The following IL1B variants were observed in gnomAD, a reference collection of about 807,000 sequenced individuals.
The protein encoded by IL1B is interleukin-1 beta.
A neutral mutation model predicts 26.2 loss-of-function variants in IL1B; 11 were observed. The ratio of observed to expected loss-of-function variants is 0.42; its 90% CI spans 0.26 to 0.70. The LOEUF is 0.70. Among genes scored for constraint, IL1B ranks in the 30% least tolerant of loss-of-function variants. The pLI is 0.25. For missense variants in IL1B, 255 were observed against 327.5 expected (o/e 0.78, Z 1.71); for synonymous variants, 118 against 120.8 (o/e 0.98, Z 0.15).
rs928350779 is a variant in IL1B at position 112,830,293 on chromosome 2, G to C, written c.*68C>G. On this transcript the variant is annotated 3_prime_UTR_variant, in exon 7 of 7. Transcript: ENST00000263341. ...TATAGCCGTACTCAAAAACCTTTCT[G>C]TTCCCTTTCTGCCAGCCCTAGGGAT... 5.1e-6 allele frequency: 7 copies of C among 1,366,494 alleles called. No homozygotes were observed. In the African/African-American group the frequency reaches 1.0e-4, roughly 20 times the overall value. 84.6% of individuals were successfully genotyped at this position (1,366,494 alleles called of 1,614,324 possible). A position where few individuals can be genotyped will look rare whatever the true frequency, so the allele number is the denominator to read the frequency against.
Position 112,830,348 on chromosome 2 carries a change from G to T in IL1B, c.*13C>A. On this transcript the variant is annotated 3_prime_UTR_variant, in exon 7 of 7. Coordinates refer to ENST00000263341, the MANE Select transcript of IL1B (RefSeq NM_000576.3). ...TCCACATTCAGCACAGGACTCTCTG[G>T]GTACAGCTCTCTTTAGGAAGACACA... The T allele has an allele frequency of 1.2e-6, 2 of 1,608,294 alleles. No individual in the cohort carries two copies. The highest frequency in any genetic ancestry group is 1.7e-6 in the Non-Finnish European group (2 of 1,174,816).
At chr2:112,832,924 A>C in intron 4 of IL1B, 98 bp from the exon 5 acceptor site, 1 of 1,162,280 alleles carries the variant, frequency 8.6e-7, no homozygotes, top group Non-Finnish European at 1.3e-6. Context: ...ACACCTGAGC[A>C]TATACGGTCA....
At chr2:112,835,453 A>C in intron 3 of IL1B, 113 bp downstream of exon 3, 1 of 852,702 alleles carries the variant, frequency 1.2e-6, no homozygotes, top group South Asian at 1.4e-5. Flanking sequence ...GAAGAGGTTA[A>C]AGTCTTTCTA....
rs141915771 is a variant in IL1B, at chr2:112,834,884, T to C, written c.99+682A>G. Among the ~76,000 whole-genome samples the C allele has an allele frequency of 1.4e-3, 210 of 152,310 alleles. 2 individuals are homozygous for C. The highest frequency in any genetic ancestry group is 4.8e-3 in the African/African-American group (200 of 41,586). On this transcript the variant is annotated intron_variant, in intron 3 of 6. Coordinates refer to ENST00000263341, the MANE Select transcript of IL1B (RefSeq NM_000576.3). ...CAGAAGGGACAGCAGGAATATAACA[T>C]GGCTCTTTGTAAGGATGAGTCTGAA...
rs1682090020 is a variant in IL1B, at chr2:112,836,294, T to A, written c.-15-50A>T. On this transcript the variant is annotated intron_variant, in intron 1 of 6. Transcript: ENST00000263341. ...GACTTCCCCATGACGGCTACGTTCA[T>A]GTGTGATTTCTCTCAGCATCCAGTG... is the stretch of plus-strand genomic sequence containing the variant. 8.4e-5 allele frequency: 114 copies of A among 1,356,870 alleles called. 1 individual carries two copies. In the South Asian group the frequency reaches 1.3e-3, roughly 15 times the overall value. 84.1% of individuals were successfully genotyped at this position (1,356,870 alleles called of 1,614,324 possible). A position where few individuals can be genotyped will look rare whatever the true frequency, so the allele number is the denominator to read the frequency against.
Position 112,830,475 on chromosome 2 carries a change from C to G in IL1B, c.696G>C (p.Gln232His), listed in dbSNP as rs771077544. ...INNKLEFESA[Q>H]FPNWYISTSQ... ...AGGTGCTGATGTACCAGTTGGGGAACTGGGCAGACTCAAATTCCAGCTTGT... is the reference window on the plus strand; with the variant it reads ...AGGTGCTGATGTACCAGTTGGGGAAGTGGGCAGACTCAAATTCCAGCTTGT... The change falls in exon 7 of 7, where the codon CAG becomes CAC. Residue 232 changes from glutamine to histidine, a missense_variant. Gln to His is a conservative substitution (Grantham distance 24, BLOSUM62 0). Transcript: ENST00000263341. 4 of 1,613,866 alleles carry G rather than the reference C, an allele frequency of 2.5e-6. No homozygotes were observed. Among genetic ancestry groups the G allele is most frequent in the Non-Finnish European group, 3.4e-6 (4 of 1,179,964 alleles).
intron 5 of IL1B, 65 bp from the exon 6 acceptor site, chr2:112,831,487 C>T: frequency 6.3e-7 from 1 of 1,585,386 alleles, no homozygotes; most frequent in South Asian, 1.1e-5. Flanking sequence ...AACCCCTAGG[C>T]CCCATGAGTA....
chr2:112,836,070 T>C (rs1682083309), intron 2 of IL1B, 113 bp downstream of exon 2: 1 of 927,122 alleles, frequency 1.1e-6, no homozygotes. Context: ...GGCACCCTGT[T>C]TGCCACTGAA....
rs753907701 is a variant in IL1B, at chr2:112,831,313, A to G, written c.576T>C (p.Asp192=). ...TTACCTCCAGCTGTAGAGTGGGCTT[A>G]TCATCTTTCAACACGCAGGACAGGT... ...NLYLSCVLKD[D]KPTLQLESVD... Residue 192 remains aspartate, a synonymous_variant, in exon 6 of 7, where the codon GAT becomes GAC. Transcript: ENST00000263341. 2 of 1,614,056 alleles carry G rather than the reference A, an allele frequency of 1.2e-6. No homozygotes were observed. The highest frequency in any genetic ancestry group is 1.7e-6 in the Non-Finnish European group (2 of 1,179,960).
chr2:112,832,891 G>A (rs1183067429), intron 4 of IL1B, 65 bp from the exon 5 acceptor site: 14 of 1,533,078 alleles, frequency 9.1e-6, no homozygotes, highest in African/African-American at 6.8e-5. Context: ...GAGGCGAGGC[G>A]GCAAAATTTG....
In IL1B at chr2:112,832,816, G is replaced by A; in HGVS notation, c.312C>T (p.Phe104=). The change falls in exon 5 of 7, where the codon TTC becomes TTT. Residue 104 remains phenylalanine (F), a synonymous_variant. Coordinates refer to ENST00000263341, the MANE Select transcript of IL1B (RefSeq NM_000576.3). The stretch of plus-strand genomic sequence containing the variant: ...AAGCCTCGTTATCCCATGTGTCGAA[G>A]AAGATAGGTTCTGAAATGTGGAGCA... ...FPFIFEEEPI[F]FDTWDNEAYV... 1 of 1,614,208 alleles carries A rather than the reference G, an allele frequency of 6.2e-7. No individual in the cohort carries two copies. The highest frequency in any genetic ancestry group is 8.5e-7 in the Non-Finnish European group (1 of 1,180,020).
intron 5 of IL1B, among the ~76,000 whole-genome samples, chr2:112,832,297 A>C (rs1681999494): frequency 1.3e-5 from 2 of 152,192 alleles, no homozygotes; most frequent in African/African-American, 2.4e-5. Flanking sequence ...TTATCGCTCC[A>C]GCACTCTTGT....
At position 112,832,698 on chromosome 2, in the gene IL1B, CT is replaced by C; in HGVS notation, c.429del (p.Ala144LeufsTer46). 1 of 1,614,154 alleles carries C rather than the reference CT, an allele frequency of 6.2e-7. No homozygotes were observed. The highest frequency in any genetic ancestry group is 8.5e-7 in the Non-Finnish European group (1 of 1,180,022). On this transcript the variant is annotated frameshift_variant, in exon 5 of 7. Coordinates refer to ENST00000263341, the MANE Select transcript of IL1B (RefSeq NM_000576.3). LOFTEE classifies it high-confidence loss of function. Reference protein sequence around the residue: ...SLVMSGPYELKALHLQGQDME... With the variant: ...SLVMSGPYELXALHLQGQDME... ...ATATCCTGTCCCTGGAGGTGGAGAG[CT>C]TTCAGTTCATATGGACCAGACATCA...
rs200794209 is a variant in IL1B, at chr2:112,830,454, G to A, written c.717C>T (p.Ser239=). ...ESAQFPNWYI[S]TSQAENMPVF... is the part of the protein sequence containing the mutation. ...CGGGCATGTTTTCTGCTTGAGAGGT[G>A]CTGATGTACCAGTTGGGGAACTGGG... The change falls in exon 7 of 7, where the codon AGC becomes AGT. Residue 239 remains serine, a synonymous_variant. Transcript: ENST00000263341. 6.8e-6 allele frequency: 11 copies of A among 1,613,844 alleles called. No homozygotes were observed. Among genetic ancestry groups the A allele is most frequent in the Middle Eastern group, 1.6e-4 (1 of 6,084 alleles).
intron 1 of IL1B, 92 bp from the exon 2 acceptor site, chr2:112,836,336 A>T: frequency 1.1e-6 from 1 of 904,386 alleles, no homozygotes; most frequent in Non-Finnish European, 1.8e-6. Context: ...AGTCATGCAA[A>T]GAAATGATCT....
At position 112,831,342 on chromosome 2, in the gene IL1B, G is replaced by C; in HGVS notation, c.547C>G (p.Leu183Val). Residue 183 changes from leucine (L) to valine (V), a missense_variant, in exon 6 of 7, where the codon CTG becomes GTG. Transcript: ENST00000263341. ...PVALGLKEKNLYLSCVLKDDK... is the reference protein window; with the variant it reads ...PVALGLKEKNVYLSCVLKDDK... The stretch of plus-strand genomic sequence containing the variant: ...TCTTTCAACACGCAGGACAGGTACA[G>C]ATTCTTTTCCTTGAGGCCCAAGGCC... The C allele has an allele frequency of 1.2e-6, 2 of 1,614,036 alleles. No individual in the cohort carries two copies. The highest frequency in any genetic ancestry group is 1.7e-6 in the Non-Finnish European group (2 of 1,179,962).
chr2:112,830,078 T>C lies in IL1B; in HGVS notation c.*283A>G. 1 of 375,396 alleles carries C rather than the reference T, an allele frequency of 2.7e-6. No homozygotes were observed. The highest frequency in any genetic ancestry group is 4.9e-6 in the Non-Finnish European group (1 of 205,750). The allele number at this position is 375,396 out of a possible 1,614,324, so 23.3% of individuals were successfully genotyped here. A position where few individuals can be genotyped will look rare whatever the true frequency, so the allele number is the denominator to read the frequency against. On this transcript the variant is annotated 3_prime_UTR_variant, in exon 7 of 7. Coordinates refer to ENST00000263341, the MANE Select transcript of IL1B (RefSeq NM_000576.3). ...ACAGAGGGTTTCTTAGAACCAAATG[T>C]GGCCGTGGTTTCTGTCAGGCGGGCT...
At position 112,832,603 on chromosome 2, in the gene IL1B, A is replaced by T. The variant is rs980069425; in HGVS notation, c.466+59T>A. The T allele has an allele frequency of 9.1e-6, 14 of 1,530,242 alleles. No homozygotes were observed. In the African/African-American group the frequency reaches 1.9e-4, roughly 21 times the overall value. The allele number at this position is 1,530,242 out of a possible 1,614,324, so 94.8% of individuals were successfully genotyped here. On this transcript the variant is annotated intron_variant, in intron 5 of 6. Transcript: ENST00000263341. ...ATTAACTTTCTACTTTGTTTAAAAC[A>T]TGGAGAATTAGCAAGCTGCCAGGAG...
chr2:112,834,838 G>C (rs1682058334), intron 3 of IL1B, among the ~76,000 whole-genome samples: 1 of 152,212 alleles, frequency 6.6e-6, no homozygotes, highest in African/African-American at 2.4e-5. Flanking sequence ...ACCTAGGAAG[G>C]CTACTGAGCA....
Sources: allele counts gnomAD v4.1 joint callset (sites outside exome capture counted in the v4.1 genomes callset), GRCh38; gene constraint gnomAD v4.1.1; transcripts MANE v1.5; gene names NCBI Gene and HGNC (gene_info 2026-07-23, HGNC 2026-07-21).